RBFOX1: variants seen among roughly 807,000 people sequenced by gnomAD.
RBFOX1 encodes RNA binding fox-1 homolog 1, also known as RNA binding protein fox-1 homolog 1.
RBFOX1 carries 8 observed loss-of-function variants against 57.7 expected under a neutral mutation model. The ratio of observed to expected loss-of-function variants is 0.14; its 90% CI spans 0.08 to 0.25. The LOEUF is 0.25. Among genes scored for constraint, RBFOX1 ranks in the 10% least tolerant of loss-of-function variants. The pLI, the probability that RBFOX1 is intolerant of heterozygous loss-of-function variation, is 1.00. For missense variants in RBFOX1, 611 were observed against 548.5 expected (o/e 1.11, Z -1.14); for synonymous variants, 326 against 222.4 (o/e 1.47, Z -4.15).
intron 3 of RBFOX1, among the ~76,000 whole-genome samples, chr16:6,676,900 C>A (rs1024194377): frequency 6.6e-6 from 1 of 151,666 alleles, no homozygotes; most frequent in Non-Finnish European, 1.5e-5. Flanking sequence ...GGTTTTGAAC[C>A]CTTGACCTCA....
Position 5,782,431 on chromosome 16 carries a change from C to CAG in RBFOX1, c.319-84869_319-84868dup, listed in dbSNP as rs1457879460. The stretch of plus-strand genomic sequence containing the variant: ...AATGACATTAATGCATTTGAGAGGG[C>CAG]AGAGCCCTTATGATTTACGCATGTC... On this transcript the variant is annotated intron_variant, in intron 3 of 19. Transcript: ENST00000641259. Among the ~76,000 whole-genome samples the CAG allele has an allele frequency of 5.3e-5, 8 of 152,310 alleles. No homozygotes were observed. The East Asian group carries it at 1.5e-3, about 29-fold the overall frequency.
chr16:6,794,638 G>A (rs748488095), intron 3 of RBFOX1, among the ~76,000 whole-genome samples: 2 of 152,208 alleles, frequency 1.3e-5, no homozygotes, highest in African/African-American at 2.4e-5. Flanking sequence ...CATGTAAAGC[G>A]GGTGAGAGAA....
chr16:7,264,094 G>A (rs746533496), intron 4 of RBFOX1, among the ~76,000 whole-genome samples: 23 of 151,974 alleles, frequency 1.5e-4, no homozygotes, highest in Non-Finnish European at 2.9e-4. Flanking sequence ...CTTACTCACA[G>A]TGATCTTAAA....
chr16:6,954,995 C>A (rs551952035), intron 3 of RBFOX1, among the ~76,000 whole-genome samples: 4 of 151,240 alleles, frequency 2.6e-5, no homozygotes, highest in Admixed American at 1.3e-4. Context: ...CTTTGGGAGA[C>A]TGAGGCAGGA....
intron 1 of RBFOX1, among the ~76,000 whole-genome samples, chr16:5,433,497 AG>A (rs1184269205): frequency 2.6e-5 from 4 of 152,172 alleles, no homozygotes; most frequent in Non-Finnish European, 5.9e-5. Context: ...GGCATCTTTG[AG>A]GAGGGCAGAA....
At chr16:6,539,771 C>A (rs1259497912) in intron 2 of RBFOX1, among the ~76,000 whole-genome samples, 1 of 130,580 alleles carries the variant, frequency 7.7e-6, no homozygotes, top group Non-Finnish European at 1.7e-5. Context: ...GCACTCCAGC[C>A]TAGGCGGCAG....
At chr16:6,432,960 A>G (rs1381585965) in intron 2 of RBFOX1, among the ~76,000 whole-genome samples, 1 of 152,228 alleles carries the variant, frequency 6.6e-6, no homozygotes, top group Non-Finnish European at 1.5e-5. Flanking sequence ...CCTGGGCTAC[A>G]GAGTGAGACT....
intron 1 of RBFOX1, among the ~76,000 whole-genome samples, chr16:5,388,195 C>A (rs892098807): frequency 6.6e-6 from 1 of 152,150 alleles, no homozygotes; most frequent in Non-Finnish European, 1.5e-5. Flanking sequence ...ACAGCAGTAG[C>A]AGGAAACCAG....
intron 4 of RBFOX1, among the ~76,000 whole-genome samples, chr16:5,934,957 T>G (rs1012826842): frequency 1.3e-5 from 2 of 152,176 alleles, no homozygotes; most frequent in Non-Finnish European, 2.9e-5. Context: ...CTGTGGGTAA[T>G]TAATCTGGTT....
At chr16:6,935,968 A>C (rs1225770941) in intron 3 of RBFOX1, among the ~76,000 whole-genome samples, 5 of 152,148 alleles carry the variant, frequency 3.3e-5, no homozygotes, top group African/African-American at 4.8e-5. Context: ...CTTTGCTTAC[A>C]CTCAGGCAGT....
intron 3 of RBFOX1, among the ~76,000 whole-genome samples, chr16:6,955,911 G>A (rs1420573814): frequency 5.3e-5 from 8 of 152,002 alleles, no homozygotes; most frequent in East Asian, 1.9e-4. Context: ...TCACCATGTT[G>A]GTCAGGCTGG....
chr16:6,049,467 C>T lies in RBFOX1; in HGVS notation c.-127+29475C>T, dbSNP rs929925240. On this transcript the variant is annotated intron_variant, in intron 1 of 15. Coordinates refer to ENST00000550418, the MANE Select transcript of RBFOX1 (RefSeq NM_018723.4). Reference sequence around the variant, plus strand: ...TCTTACTTTACATATGCCCTGGCCACTCTCCCTCTCTAGTCTCATGCTACT... The same window carrying T: ...TCTTACTTTACATATGCCCTGGCCATTCTCCCTCTCTAGTCTCATGCTACT... 4.6e-5 allele frequency among the ~76,000 whole-genome samples: 7 copies of T among 152,268 alleles called. No individual in the cohort carries two copies. In the South Asian group the frequency reaches 1.5e-3, roughly 32 times the overall value.
rs189637487 is a variant in RBFOX1, at chr16:6,908,513, G to A, written c.-15-143544G>A. Reference sequence around the variant, plus strand: ...AGGAAGGTATTTCCGGGTTATAGCTGACAACTCACTTATCAGGTTCACCTC... The same window carrying A: ...AGGAAGGTATTTCCGGGTTATAGCTAACAACTCACTTATCAGGTTCACCTC... On this transcript the variant is annotated intron_variant, in intron 3 of 15. Transcript: ENST00000550418. 3.3e-3 allele frequency among the ~76,000 whole-genome samples: 508 copies of A among 152,268 alleles called. 2 individuals carry two copies. Among genetic ancestry groups the A allele is most frequent in the Non-Finnish European group, 5.4e-3 (368 of 68,022 alleles).
chr16:6,845,617 T>A (rs1206389510), intron 3 of RBFOX1, among the ~76,000 whole-genome samples: 1 of 152,150 alleles, frequency 6.6e-6, no homozygotes, highest in African/African-American at 2.4e-5. Flanking sequence ...ATACATTTTA[T>A]CAGGACACTA....
intron 3 of RBFOX1, among the ~76,000 whole-genome samples, chr16:6,867,706 C>G (rs1292317139): frequency 6.6e-6 from 1 of 152,024 alleles, no homozygotes; most frequent in Non-Finnish European, 1.5e-5. Flanking sequence ...GACTCTGTCT[C>G]AGAAGGACAA....
At chr16:5,483,068 G>C (rs1215287228) in intron 2 of RBFOX1, among the ~76,000 whole-genome samples, 6 of 152,144 alleles carry the variant, frequency 3.9e-5, no homozygotes, top group Non-Finnish European at 8.8e-5. Flanking sequence ...TAACCCCACA[G>C]AGTGCCTTTA....
intron 3 of RBFOX1, among the ~76,000 whole-genome samples, chr16:6,700,358 A>G (rs2061643196): frequency 1.0e-5 from 1 of 98,850 alleles, no homozygotes; most frequent in Non-Finnish European, 2.5e-5. Flanking sequence ...AGGTTAAAAC[A>G]AAAAAAAAAA....
At chr16:5,264,083 C>A (rs2062802099) in intron 1 of RBFOX1, among the ~76,000 whole-genome samples, 1 of 152,124 alleles carries the variant, frequency 6.6e-6, no homozygotes, top group African/African-American at 2.4e-5. Flanking sequence ...ACTGTAAGAT[C>A]CAGGCTGAGC....
At chr16:6,731,329 C>T (rs970424) in intron 3 of RBFOX1, among the ~76,000 whole-genome samples, 137,824 of 152,120 alleles carry the variant, frequency 0.91, 64,051 homozygotes, top group East Asian at 1. Context: ...CAGATACTGA[C>T]CATATATCAT....
Sources: gnomAD v4.1 joint callset for allele counts (sites outside exome capture counted in the v4.1 genomes callset) on GRCh38, gnomAD v4.1.1 for gene constraint, MANE v1.5 for transcripts, NCBI Gene and HGNC (gene_info 2026-07-23, HGNC 2026-07-21) for gene names.